ADGRB3: variants seen among roughly 807,000 people sequenced by gnomAD.
ADGRB3 encodes brain-specific angiogenesis inhibitor 3.
Under a neutral mutation model 193.4 loss-of-function variants are expected in ADGRB3, and 37 were observed. The ratio of observed to expected loss-of-function variants is 0.19; its 90% CI spans 0.15 to 0.25. The LOEUF (loss-of-function observed/expected upper bound fraction) is 0.25. Ranked by LOEUF, ADGRB3 falls within the 10% of genes least tolerant of loss-of-function variation. The pLI is 1.00. For missense variants in ADGRB3, 1,637 were observed against 1,852.9 expected, an observed-to-expected ratio of 0.88 and a Z score of 2.14; for synonymous variants, 690 against 644.2, an observed-to-expected ratio of 1.07 and a Z score of -1.08.
chr6:69,042,490 CA>C (rs1163969422), intron 13 of ADGRB3, among the ~76,000 whole-genome samples: 1 of 152,194 alleles, frequency 6.6e-6, no homozygotes, highest in East Asian at 1.9e-4. Context: ...AGGTACTTAG[CA>C]TTGCTATGTA....
chr6:68,878,992 T>C (rs1417690850), intron 3 of ADGRB3, among the ~76,000 whole-genome samples: 3 of 151,796 alleles, frequency 2.0e-5, no homozygotes, highest in Non-Finnish European at 4.4e-5. Context: ...GATTCAAGCA[T>C]CTCCCACCGG....
At chr6:68,761,899 T>G (rs1455244681) in intron 3 of ADGRB3, among the ~76,000 whole-genome samples, 1 of 152,202 alleles carries the variant, frequency 6.6e-6, no homozygotes, top group African/African-American at 2.4e-5. Flanking sequence ...AAGTGTTGTA[T>G]GTGACCATTA....
At chr6:68,867,350 G>A (rs528101150) in intron 3 of ADGRB3, among the ~76,000 whole-genome samples, 6 of 152,320 alleles carry the variant, frequency 3.9e-5, no homozygotes, top group African/African-American at 1.2e-4. Context: ...ATGTGGTGTT[G>A]AGCCTGCTGG....
intron 17 of ADGRB3, among the ~76,000 whole-genome samples, chr6:69,204,835 T>C (rs1765501908): frequency 6.6e-6 from 1 of 152,146 alleles, no homozygotes; most frequent in Non-Finnish European, 1.5e-5. Flanking sequence ...TAAATTGTTG[T>C]CAATTTATTT....
chr6:69,106,735 T>C (rs1163814495), intron 17 of ADGRB3, among the ~76,000 whole-genome samples: 2 of 152,252 alleles, frequency 1.3e-5, no homozygotes, highest in African/African-American at 4.8e-5. Flanking sequence ...TCATGAATTA[T>C]TTGTTTACAC....
intron 17 of ADGRB3, among the ~76,000 whole-genome samples, chr6:69,099,509 T>G (rs1330777641): frequency 6.6e-6 from 1 of 152,352 alleles, no homozygotes; most frequent in East Asian, 1.9e-4. Flanking sequence ...GAGTACAAAG[T>G]TTCTTTTAAG....
chr6:68,925,634 A>T (rs1767158908), intron 3 of ADGRB3, among the ~76,000 whole-genome samples: 1 of 152,054 alleles, frequency 6.6e-6, no homozygotes, highest in African/African-American at 2.4e-5. Flanking sequence ...ATATTAAAAG[A>T]TTATTTTTAT....
At chr6:69,305,391 G>A (rs542215927) in intron 20 of ADGRB3, among the ~76,000 whole-genome samples, 4 of 151,320 alleles carry the variant, frequency 2.6e-5, no homozygotes, top group Non-Finnish European at 2.9e-5. Context: ...AGAGATTGTT[G>A]ATTTATACAG....
chr6:68,925,167 C>A (rs9294814), intron 3 of ADGRB3, among the ~76,000 whole-genome samples: 4,543 of 151,892 alleles, frequency 0.03, 245 homozygotes, highest in African/African-American at 0.1. Context: ...TAAAAAATAT[C>A]AAATGAGAGA....
intron 21 of ADGRB3, among the ~76,000 whole-genome samples, chr6:69,325,759 G>A (rs932553629): frequency 6.6e-6 from 1 of 152,220 alleles, no homozygotes; most frequent in African/African-American, 2.4e-5. Context: ...TTACAAATAA[G>A]TGTGCTTATA....
chr6:68,702,169 A>G (rs1765252168), intron 3 of ADGRB3, among the ~76,000 whole-genome samples: 1 of 151,924 alleles, frequency 6.6e-6, no homozygotes, highest in Non-Finnish European at 1.5e-5. Flanking sequence ...GAAGACAAAG[A>G]GGGAGCAGGC....
chr6:68,638,180 A>G (rs951057827), intron 2 of ADGRB3, among the ~76,000 whole-genome samples: 1 of 152,220 alleles, frequency 6.6e-6, no homozygotes, highest in African/African-American at 2.4e-5. Context: ...GAGGAGAGAA[A>G]TAATGTGATG....
In ADGRB3 at chr6:69,233,381, A is replaced by G. The variant is rs1185060670; in HGVS notation, c.2572A>G (p.Thr858Ala). The change falls in exon 18 of 32, where the codon ACC (threonine) becomes GCC (alanine). Residue 858 changes from threonine to alanine, a missense_variant. By Grantham distance (58) the Thr-to-Ala change is moderately conservative. Coordinates refer to ENST00000370598, the MANE Select transcript of ADGRB3 (RefSeq NM_001704.3). ...HTKCLCDRLS[T>A]FAILAQQPRE... ...GAAATGCTTATGTGATCGTCTCTCT[A>G]CCTTCGCCATTTTGGCTCAGCAACC... 6.2e-7 allele frequency: 1 copy of G among 1,614,108 alleles called. No individual in the cohort carries two copies. Among genetic ancestry groups the G allele is most frequent in the East Asian group, 2.2e-5 (1 of 44,872 alleles).
At chr6:68,906,986 C>T (rs999512228) in intron 3 of ADGRB3, among the ~76,000 whole-genome samples, 3 of 151,866 alleles carry the variant, frequency 2.0e-5, no homozygotes, top group African/African-American at 4.8e-5. Context: ...AACTGTGAGA[C>T]ATTAGGCAAG....
chr6:68,723,895 G>A (rs543030811), intron 3 of ADGRB3, among the ~76,000 whole-genome samples: 1 of 151,560 alleles, frequency 6.6e-6, no homozygotes, highest in East Asian at 2.0e-4. Context: ...GTATCTAAGA[G>A]GTTTGTACTG....
chr6:69,380,003 A>T (rs1769914563), intron 30 of ADGRB3, among the ~76,000 whole-genome samples: 2 of 151,972 alleles, frequency 1.3e-5, no homozygotes, highest in African/African-American at 4.8e-5. Flanking sequence ...TGACCAGCAT[A>T]ACTTTATATT....
chr6:69,244,409 A>T (rs1344004218), intron 20 of ADGRB3, among the ~76,000 whole-genome samples: 1 of 152,060 alleles, frequency 6.6e-6, no homozygotes, highest in Non-Finnish European at 1.5e-5. Flanking sequence ...GAATACCTTA[A>T]CTTGGGTCAA....
intron 3 of ADGRB3, among the ~76,000 whole-genome samples, chr6:68,821,596 A>T (rs946758902): frequency 1.4e-4 from 21 of 151,974 alleles, no homozygotes; most frequent in African/African-American, 5.1e-4. Context: ...ATAAAAAAAA[A>T]ATTTGAGTTT....
In ADGRB3 at chr6:68,910,899, G is replaced by T. The variant is rs57509635; in HGVS notation, c.758-19660G>T. On this transcript the variant is annotated intron_variant, in intron 3 of 31. Coordinates refer to ENST00000370598, the MANE Select transcript of ADGRB3 (RefSeq NM_001704.3). ...GACTTGGCAATGTGGGCTCTTTTTT[G>T]GTTCCATATGAACTTTAAAGTAGTT... Among the ~76,000 whole-genome samples, 1,383 of 152,008 alleles carry T rather than the reference G, an allele frequency of 9.1e-3. 15 individuals carry two copies. The highest frequency in any genetic ancestry group is 0.029 in the African/African-American group (1,211 of 41,430).
Sources: allele counts gnomAD v4.1 joint callset (sites outside exome capture counted in the v4.1 genomes callset), GRCh38; gene constraint gnomAD v4.1.1; transcripts MANE v1.5; gene names NCBI Gene and HGNC (gene_info 2026-07-23, HGNC 2026-07-21).